PRMT8: variants seen among roughly 807,000 people sequenced by gnomAD.
PRMT8 encodes protein arginine methyltransferase 8.
Under a neutral mutation model 47.1 loss-of-function variants are expected in PRMT8, and 7 were observed. That is an observed-to-expected ratio of 0.15 (90% CI 0.08 to 0.28). The LOEUF is 0.28. Among genes scored for constraint, PRMT8 ranks in the 10% least tolerant of loss-of-function variants. The pLI is 1.00. For synonymous variants in PRMT8, 188 were observed against 186.5 expected, an observed-to-expected ratio of 1.01 and a Z score of -0.07; for missense variants, 237 against 505.4, an observed-to-expected ratio of 0.47 and a Z score of 5.09.
At chr12:3,476,338 G>A (rs897022717) in intron 1 of PRMT8, among the ~76,000 whole-genome samples, 2 of 152,188 alleles carry the variant, frequency 1.3e-5, no homozygotes, top group Admixed American at 6.5e-5. Flanking sequence ...ACGTGGGCTT[G>A]TTGGGTACTG....
intron 6 of PRMT8, among the ~76,000 whole-genome samples, chr12:3,574,484 T>C: frequency 6.6e-6 from 1 of 152,222 alleles, no homozygotes; most frequent in Non-Finnish European, 1.5e-5. Context: ...CCAAAATCCT[T>C]ATAAGTAAGC....
At position 3,409,452 on chromosome 12, in the gene PRMT8, G is replaced by A. The variant is rs1275401415; in HGVS notation, c.48+28010G>A. On this transcript the variant is annotated intron_variant, in intron 1 of 9. Coordinates refer to the PRMT8 transcript ENST00000452611. This position sits in a 1 kb window ranked among gnomAD's most constrained non-coding sequence, Gnocchi z 4.4. ...CATGCCAGTATCTGAGGCTCGGCAA[G>A]ATAGCAAGGACCCCTGGGTCCTTGG... 9.2e-5 allele frequency among the ~76,000 whole-genome samples: 14 copies of A among 152,152 alleles called. No homozygotes were observed. Among genetic ancestry groups the A allele is most frequent in the Admixed American group, 9.2e-4 (14 of 15,286 alleles).
At chr12:3,545,389 G>A (rs1004256242) in intron 2 of PRMT8, among the ~76,000 whole-genome samples, 4 of 152,174 alleles carry the variant, frequency 2.6e-5, no homozygotes, top group East Asian at 1.9e-4. Context: ...TCTTTGGTCC[G>A]AGATCTCCTA....
In PRMT8 at chr12:3,593,190, G is replaced by C; in HGVS notation, c.*8G>C. The C allele has an allele frequency of 6.2e-7, 1 of 1,611,274 alleles. No individual in the cohort carries two copies. On this transcript the variant is annotated 3_prime_UTR_variant, in exon 10 of 10. Transcript: ENST00000382622. The surrounding 1 kb of genome is among the most constrained non-coding windows in gnomAD (Gnocchi z 4.8). ...GACTACAAAATGCGTTAGCACACGT[G>C]GGAAGCTGCAGAGAGCAACGAGAAA... is the stretch of plus-strand genomic sequence containing the variant.
At chr12:3,461,863 T>C (rs368819891) in intron 1 of PRMT8, among the ~76,000 whole-genome samples, 1 of 152,120 alleles carries the variant, frequency 6.6e-6, no homozygotes, top group African/African-American at 2.4e-5. Context: ...CAGCCTTTGT[T>C]ACAAGCAGGT....
intron 1 of PRMT8, among the ~76,000 whole-genome samples, chr12:3,512,778 G>A (rs1232339293): frequency 1.3e-5 from 2 of 152,152 alleles, no homozygotes; most frequent in African/African-American, 4.8e-5. Context: ...GGATGTTGGT[G>A]GAATGAATGA....
intron 1 of PRMT8, among the ~76,000 whole-genome samples, chr12:3,439,590 G>A (rs4766119): frequency 0.85 from 129,106 of 152,228 alleles, 55,284 homozygotes; most frequent in Non-Finnish European, 0.91. Flanking sequence ...CTCCTTTGCT[G>A]GCTCACTGTT....
rs71534224 is a variant in PRMT8, at chr12:3,553,400, G to A, written c.418-251G>A. 2,288 of 581,422 alleles carry A rather than the reference G, an allele frequency of 3.9e-3. 11 individuals carry two copies. Among genetic ancestry groups the A allele is most frequent in the Middle Eastern group, 9.2e-3 (20 of 2,168 alleles). 36.0% of individuals were successfully genotyped at this position (581,422 alleles called of 1,614,324 possible). On this transcript the variant is annotated intron_variant, in intron 3 of 9. Coordinates refer to ENST00000382622, the MANE Select transcript of PRMT8 (RefSeq NM_019854.5). The stretch of plus-strand genomic sequence containing the variant: ...GCCCCTTTTGAGTCTCCAGCACAGA[G>A]ATCAATCCCTCCATCACGGGTGGTG...
chr12:3,505,046 C>G (rs1179454774), intron 1 of PRMT8, among the ~76,000 whole-genome samples: 2 of 138,258 alleles, frequency 1.4e-5, no homozygotes, highest in African/African-American at 2.7e-5. Flanking sequence ...GGCAATGCCT[C>G]GCCCTGCTTC....
Position 3,568,695 on chromosome 12 carries a change from T to C in PRMT8, c.482-11T>C. ...CCTGCAAAGTATGGCCCTGGGGTTCTTATTTTCCAGTCATCACCATATTTA... is the reference window on the plus strand; with the variant it reads ...CCTGCAAAGTATGGCCCTGGGGTTCCTATTTTCCAGTCATCACCATATTTA... On this transcript the variant is annotated splice_polypyrimidine_tract_variant and intron_variant, in intron 4 of 9. Transcript: ENST00000382622. The C allele has an allele frequency of 1.2e-6, 2 of 1,614,132 alleles. No homozygotes were observed. Among genetic ancestry groups the C allele is most frequent in the Non-Finnish European group, 1.7e-6 (2 of 1,180,012 alleles).
rs992300433 is a variant in PRMT8, at chr12:3,569,316, C to G, written c.625-161C>G. Reference sequence around the variant, plus strand: ...TCCTTGCTCCAAAATAAAAATTGAGCACTGCTGTCCTAGCCCTCACCCCAG... The same window carrying G: ...TCCTTGCTCCAAAATAAAAATTGAGGACTGCTGTCCTAGCCCTCACCCCAG... On this transcript the variant is annotated intron_variant, in intron 5 of 9. Coordinates refer to ENST00000382622, the MANE Select transcript of PRMT8 (RefSeq NM_019854.5). The surrounding 1 kb of genome is among the most constrained non-coding windows in gnomAD (Gnocchi z 8.2). Among the ~76,000 whole-genome samples, 1 of 152,320 alleles carries G rather than the reference C, an allele frequency of 6.6e-6. No individual in the cohort carries two copies. Among genetic ancestry groups the G allele is most frequent in the East Asian group, 1.9e-4 (1 of 5,190 alleles).
At chr12:3,382,032 A>T (rs1319077353) in intron 1 of PRMT8, among the ~76,000 whole-genome samples, 1 of 152,158 alleles carries the variant, frequency 6.6e-6, no homozygotes, top group Admixed American at 6.5e-5. Context: ...TTCTCTGGAG[A>T]TTCATCCAAG....
At chr12:3,530,165 A>G (rs895675090) in intron 1 of PRMT8, among the ~76,000 whole-genome samples, 1 of 152,154 alleles carries the variant, frequency 6.6e-6, no homozygotes. Flanking sequence ...ATTATTCCCA[A>G]TTTTGCTTTT....
At position 3,384,757 on chromosome 12, in the gene PRMT8, A is replaced by G. The variant is rs1864124231; in HGVS notation, c.48+3315A>G. On this transcript the variant is annotated intron_variant, in intron 1 of 9. Transcript: ENST00000452611. Reference sequence around the variant, plus strand: ...GTCTCGCAAAGAGAATGGAAACGGGAGTGGAGTCCCATGAATAGTTTAATC... The same window carrying G: ...GTCTCGCAAAGAGAATGGAAACGGGGGTGGAGTCCCATGAATAGTTTAATC... 2.0e-5 allele frequency among the ~76,000 whole-genome samples: 3 copies of G among 152,066 alleles called. No homozygotes were observed. In the South Asian group the frequency reaches 6.2e-4, roughly 32 times the overall value.
intron 1 of PRMT8, among the ~76,000 whole-genome samples, chr12:3,420,818 G>A (rs1224919327): frequency 1.3e-5 from 2 of 152,162 alleles, no homozygotes; most frequent in African/African-American, 2.4e-5. Flanking sequence ...AGATGAAATC[G>A]AGTCTTGACT....
intron 1 of PRMT8, among the ~76,000 whole-genome samples, chr12:3,474,583 A>G (rs938606094): frequency 3.1e-4 from 47 of 151,724 alleles, no homozygotes; most frequent in African/African-American, 1.1e-3. Flanking sequence ...TGCAGACTCC[A>G]TGCTCTCCCC....
At chr12:3,467,661 T>G (rs181217836) in intron 1 of PRMT8, among the ~76,000 whole-genome samples, 1 of 152,302 alleles carries the variant, frequency 6.6e-6, no homozygotes, top group East Asian at 1.9e-4. Flanking sequence ...CTGTGGACTT[T>G]CCACTTAGAG....
Position 3,491,658 on chromosome 12 carries a change from C to G in PRMT8, c.33C>G (p.Leu11=), listed in dbSNP as rs1343979411. Residue 11 remains leucine, a synonymous_variant, in exon 1 of 10, where the codon CTC becomes CTG. Coordinates refer to ENST00000382622, the MANE Select transcript of PRMT8 (RefSeq NM_019854.5). Reference sequence around the variant, plus strand: ...TGAAACACTCCTCCCGCTGCCTGCTCCTGAGGAGGAAAATGGCGGAGAACG... The same window carrying G: ...TGAAACACTCCTCCCGCTGCCTGCTGCTGAGGAGGAAAATGGCGGAGAACG... MGMKHSSRCL[L]LRRKMAENAA... 1 of 1,612,558 alleles carries G rather than the reference C, an allele frequency of 6.2e-7. No homozygotes were observed. The highest frequency in any genetic ancestry group is 1.3e-5 in the African/African-American group (1 of 74,718).
intron 1 of PRMT8, among the ~76,000 whole-genome samples, chr12:3,404,805 A>T (rs1481355691): frequency 2.6e-5 from 4 of 152,314 alleles, no homozygotes; most frequent in African/African-American, 9.6e-5. Context: ...TTTTTGTTAA[A>T]ATATATTAAA....
Sources: gnomAD v4.1 joint callset for allele counts (sites outside exome capture counted in the v4.1 genomes callset) on GRCh38, gnomAD v4.1.1 for gene constraint, Gnocchi (gnomAD v3.1) non-coding constraint, MANE v1.5 for transcripts, NCBI Gene and HGNC (gene_info 2026-07-23, HGNC 2026-07-21) for gene names.